The following CDH18 variants were observed in gnomAD, a reference collection of about 807,000 sequenced individuals.
The protein encoded by CDH18 is cadherin-18.
Under a neutral mutation model 67.9 loss-of-function variants are expected in CDH18, and 31 were observed. That is an observed-to-expected ratio of 0.46 (90% CI 0.34 to 0.62). The LOEUF (loss-of-function observed/expected upper bound fraction) is 0.62. Among genes scored for constraint, CDH18 ranks in the 20% least tolerant of loss-of-function variants. The pLI is 0.01. For synonymous variants in CDH18, 362 were observed against 347.2 expected, an observed-to-expected ratio of 1.04 and a Z score of -0.48; for missense variants, 890 against 975.5, an observed-to-expected ratio of 0.91 and a Z score of 1.17.
chr5:20,485,543 C>T (rs73764414), intron 1 of CDH18, among the ~76,000 whole-genome samples: 10,648 of 152,096 alleles, frequency 0.07, 535 homozygotes, highest in African/African-American at 0.15. Flanking sequence ...TATGGCTGTG[C>T]AGAAAAGATA....
intron 1 of CDH18, among the ~76,000 whole-genome samples, chr5:20,400,936 G>A (rs1745714235): frequency 6.6e-6 from 1 of 152,018 alleles, no homozygotes. Context: ...TTCATTCATA[G>A]TGCCCATTCA....
chr5:20,038,788 C>A (rs887092165), intron 2 of CDH18, among the ~76,000 whole-genome samples: 2 of 152,130 alleles, frequency 1.3e-5, no homozygotes. Context: ...CAGCACAAGA[C>A]AAGGATGTCC....
intron 3 of CDH18, among the ~76,000 whole-genome samples, chr5:19,792,008 T>C (rs1253429921): frequency 6.6e-6 from 1 of 152,156 alleles, no homozygotes; most frequent in Non-Finnish European, 1.5e-5. Context: ...CATATGATGA[T>C]AGGTAAGCAG....
Position 20,570,409 on chromosome 5 carries a change from C to T in CDH18, c.-580+5053G>A, listed in dbSNP as rs1409081095. Among the ~76,000 whole-genome samples the T allele has an allele frequency of 3.9e-5, 6 of 151,940 alleles. No individual in the cohort carries two copies. In the South Asian group the frequency reaches 6.2e-4, roughly 16 times the overall value. Reference sequence around the variant, plus strand: ...TTTGAAACCCATTTGCTTTGCCTGTCGTAAAACAATGTTCGCTATACATAA... The same window carrying T: ...TTTGAAACCCATTTGCTTTGCCTGTTGTAAAACAATGTTCGCTATACATAA... On this transcript the variant is annotated intron_variant, in intron 1 of 14. Transcript: ENST00000507958.
At chr5:20,501,563 ATATATAAT>A (rs1754294087) in intron 1 of CDH18, among the ~76,000 whole-genome samples, 2 of 20,550 alleles carry the variant, frequency 9.7e-5, no homozygotes, top group East Asian at 2.3e-3. Context: ...TATAATATAT[ATATATAAT>A]ATATATATAT....
intron 2 of CDH18, among the ~76,000 whole-genome samples, chr5:19,874,135 AT>A (rs1255766252): frequency 6.6e-6 from 1 of 152,162 alleles, no homozygotes; most frequent in Non-Finnish European, 1.5e-5. Context: ...GCATGTGTAG[AT>A]TTTACCTAAA....
chr5:19,624,133 G>A lies in CDH18; in HGVS notation c.644-11532C>T, dbSNP rs1039356535. Among the ~76,000 whole-genome samples the A allele has an allele frequency of 7.2e-5, 11 of 151,792 alleles. No homozygotes were observed. The East Asian group carries it at 7.8e-4, about 11-fold the overall frequency. On this transcript the variant is annotated intron_variant, in intron 5 of 12. Transcript: ENST00000382275. The stretch of plus-strand genomic sequence containing the variant: ...AGTGATTCTCCTGTCTCAGTCTCCC[G>A]AGTAGTTGGGATTGCGGGCGTGCAC...
rs1327828836 is a variant in CDH18 at position 19,841,533 on chromosome 5, A to G, written c.-256-2291T>C. Among the ~76,000 whole-genome samples, 3 of 150,504 alleles carry G rather than the reference A, an allele frequency of 2.0e-5. No individual in the cohort carries two copies. In the Admixed American group the frequency reaches 2.0e-4, roughly 10 times the overall value. On this transcript the variant is annotated intron_variant, in intron 2 of 12. Coordinates refer to ENST00000382275, the MANE Select transcript of CDH18 (RefSeq NM_004934.5). Reference sequence around the variant, plus strand: ...TTAATAAATTTATATTAAACTTTTTATTTCCCAAGAGATTCTTAATTTTCA... The same window carrying G: ...TTAATAAATTTATATTAAACTTTTTGTTTCCCAAGAGATTCTTAATTTTCA...
At chr5:19,485,813 C>T (rs1412676687) in intron 11 of CDH18, among the ~76,000 whole-genome samples, 2 of 152,094 alleles carry the variant, frequency 1.3e-5, no homozygotes, top group African/African-American at 2.4e-5. Flanking sequence ...AGATGTGAGA[C>T]ACTGGTCCCT....
intron 5 of CDH18, among the ~76,000 whole-genome samples, chr5:19,720,033 G>T (rs1204672867): frequency 6.6e-6 from 1 of 152,094 alleles, no homozygotes; most frequent in Non-Finnish European, 1.5e-5. Flanking sequence ...TCCAGGAAAA[G>T]AAAGAAGGCA....
intron 2 of CDH18, among the ~76,000 whole-genome samples, chr5:19,863,995 A>T (rs1233601514): frequency 1.3e-5 from 2 of 151,736 alleles, no homozygotes; most frequent in African/African-American, 2.4e-5. Flanking sequence ...CTAGAACTAG[A>T]AATACCATTT....
At chr5:20,314,509 G>T (rs1398321478) in intron 1 of CDH18, among the ~76,000 whole-genome samples, 1 of 152,046 alleles carries the variant, frequency 6.6e-6, no homozygotes, top group African/African-American at 2.4e-5. Flanking sequence ...AGATGAAAAT[G>T]AATGAAAGAA....
intron 6 of CDH18, among the ~76,000 whole-genome samples, chr5:19,598,631 A>G (rs1746562751): frequency 6.6e-6 from 1 of 152,146 alleles, no homozygotes; most frequent in Non-Finnish European, 1.5e-5. Context: ...CTAAATGATA[A>G]TTGTATTTTT....
chr5:20,217,432 T>C (rs1360247777), intron 2 of CDH18, among the ~76,000 whole-genome samples: 4 of 151,914 alleles, frequency 2.6e-5, no homozygotes, highest in African/African-American at 4.8e-5. Flanking sequence ...TGTTTATTAA[T>C]CAGTGTTAAG....
At chr5:19,523,568 TG>T (rs1276244165) in intron 9 of CDH18, among the ~76,000 whole-genome samples, 4 of 151,078 alleles carry the variant, frequency 2.6e-5, no homozygotes, top group South Asian at 4.2e-4. Flanking sequence ...AAAATAAACA[TG>T]AAAAAAAATC....
chr5:19,910,379 G>C (rs1364264214), intron 2 of CDH18, among the ~76,000 whole-genome samples: 4 of 152,138 alleles, frequency 2.6e-5, no homozygotes, highest in Non-Finnish European at 4.4e-5. Context: ...GGACACAGCA[G>C]CAGGGATCTA....
intron 1 of CDH18, among the ~76,000 whole-genome samples, chr5:20,429,355 T>C (rs1326914170): frequency 3.3e-5 from 5 of 152,104 alleles, no homozygotes; most frequent in Non-Finnish European, 7.4e-5. Flanking sequence ...ATAACACCAT[T>C]CCATGGTTCT....
In CDH18 at chr5:19,480,478, C is replaced by T. The variant is rs574376881; in HGVS notation, c.1882+2823G>A. On this transcript the variant is annotated intron_variant, in intron 12 of 12. Transcript: ENST00000382275. ...CTGCAAGCTCCGCCTCCCGGGCTCA[C>T]GCCATTCTCCTGCCTCAGCCTCCCG... Among the ~76,000 whole-genome samples, 29 of 151,592 alleles carry T rather than the reference C, an allele frequency of 1.9e-4. No individual in the cohort carries two copies. The East Asian group carries it at 4.9e-3, about 26-fold the overall frequency.
In CDH18 at chr5:20,441,872, CT is replaced by C. The variant is rs898741470; in HGVS notation, c.-580+133589del. 1.8e-4 allele frequency among the ~76,000 whole-genome samples: 28 copies of C among 151,786 alleles called. 1 individual carries two copies. Among genetic ancestry groups the C allele is most frequent in the African/African-American group, 6.3e-4 (26 of 41,132 alleles). The stretch of plus-strand genomic sequence containing the variant: ...TTAATCAAGAGATGACAATCTGTTG[CT>C]TATTATGTGCATAACACCAATAAAA... On this transcript the variant is annotated intron_variant, in intron 1 of 14. Coordinates refer to the CDH18 transcript ENST00000507958.
Sources: allele counts gnomAD v4.1 joint callset (sites outside exome capture counted in the v4.1 genomes callset), GRCh38; gene constraint gnomAD v4.1.1; transcripts MANE v1.5; gene names NCBI Gene and HGNC (gene_info 2026-07-23, HGNC 2026-07-21).